The following BROX variants were observed in gnomAD, a reference collection of about 807,000 sequenced individuals.
BROX encodes the protein BRO1 domain and CAAX motif containing.
Under a neutral mutation model 61.0 loss-of-function variants are expected in BROX, and 53 were observed. The ratio of observed to expected loss-of-function variants is 0.87; its 90% CI spans 0.70 to 1.09. The LOEUF is 1.09. Ranked by LOEUF, BROX falls within the 50% of genes least tolerant of loss-of-function variation. BROX has a pLI of 0.00. For synonymous variants in BROX, 152 were observed against 160.2 expected (o/e 0.95, Z 0.38); for missense variants, 489 against 472.0 (o/e 1.04, Z -0.33).
intron 11 of BROX, 145 bp downstream of exon 11, chr1:222,730,322 G>A (rs149529374): frequency 2.8e-5 from 14 of 504,196 alleles, no homozygotes; most frequent in East Asian, 1.8e-4. Context: ...TGGGCTAGGC[G>A]TGGTGGCTCA....
In BROX at chr1:222,718,733, T is replaced by C. The variant is rs1039378617; in HGVS notation, c.102-192T>C. On this transcript the variant is annotated intron_variant, in intron 2 of 12. Transcript: ENST00000340934. ...TTCTCTAGATTTAGTCCTGATTAAATTCATTTGTTAATCCCTTAGAGGAGG... is the reference window on the plus strand; with the variant it reads ...TTCTCTAGATTTAGTCCTGATTAAACTCATTTGTTAATCCCTTAGAGGAGG... 2.0e-5 allele frequency among the ~76,000 whole-genome samples: 3 copies of C among 152,220 alleles called. 1 individual carries two copies. Among genetic ancestry groups the C allele is most frequent in the Non-Finnish European group, 4.4e-5 (3 of 68,016 alleles).
intron 11 of BROX, among the ~76,000 whole-genome samples, chr1:222,730,600 A>G (rs1204718459): frequency 6.6e-6 from 1 of 152,196 alleles, no homozygotes; most frequent in Admixed American, 6.5e-5. Context: ...TCTCAAATAT[A>G]TATAGTATTT....
intron 7 of BROX, 93 bp from the exon 8 acceptor site, chr1:222,727,071 CAGAG>C: frequency 1.2e-6 from 1 of 858,810 alleles, no homozygotes; most frequent in Non-Finnish European, 1.9e-6. Context: ...ATTAAAATCC[CAGAG>C]AGATTATCAG....
intron 8 of BROX, among the ~76,000 whole-genome samples, chr1:222,728,011 A>G (rs1443324667): frequency 6.6e-6 from 1 of 152,176 alleles, no homozygotes; most frequent in Non-Finnish European, 1.5e-5. Context: ...GAGTGGTAGG[A>G]GAAGAGTTTG....
chr1:222,719,246 C>T lies in BROX; in HGVS notation c.209-17C>T. 3.9e-6 allele frequency: 6 copies of T among 1,524,100 alleles called. No homozygotes were observed. The highest frequency in any genetic ancestry group is 5.4e-6 in the Non-Finnish European group (6 of 1,101,900). 94.4% of individuals were successfully genotyped at this position (1,524,100 alleles called of 1,614,324 possible). On this transcript the variant is annotated splice_polypyrimidine_tract_variant and intron_variant, in intron 3 of 12. Coordinates refer to ENST00000340934, the MANE Select transcript of BROX (RefSeq NM_144695.4). ...TCTAATTCTTCTAAAACTAAAATGT[C>T]TTGTACTTTTCTATAGGTTTCATAA...
intron 4 of BROX, among the ~76,000 whole-genome samples, chr1:222,720,210 T>G (rs1399653123): frequency 6.6e-6 from 1 of 152,070 alleles, no homozygotes; most frequent in Non-Finnish European, 1.5e-5. Context: ...ATAAGAAAAT[T>G]TTTGTGAAGT....
intron 8 of BROX, 59 bp downstream of exon 8, chr1:222,727,316 C>A: frequency 1.6e-6 from 2 of 1,263,278 alleles, no homozygotes; most frequent in South Asian, 1.2e-5. Context: ...TTTATTTGAT[C>A]TTGAATAGGG....
At chr1:222,728,373 T>G (rs1249357561) in intron 8 of BROX, among the ~76,000 whole-genome samples, 11 of 152,188 alleles carry the variant, frequency 7.2e-5, no homozygotes, top group Non-Finnish European at 4.4e-5. Context: ...GAGTATCCTA[T>G]TTCTGATTTG....
rs1657173630 is a variant in BROX, at chr1:222,722,504, GGAAAA to G, written c.398_401+1del. 2 of 1,607,970 alleles carry G rather than the reference GGAAAA, an allele frequency of 1.2e-6. No individual in the cohort carries two copies. The highest frequency in any genetic ancestry group is 1.7e-6 in the Non-Finnish European group (2 of 1,174,722). ...TACCAAATATGCTTCAAGACTGGCT[GGAAAA>G]GAAAAGTAAGTTAATAGGAGAGGAT... On this transcript the variant is annotated frameshift_variant, in exon 5 of 13. Transcript: ENST00000340934. LOFTEE classifies it high-confidence loss of function.
At chr1:222,720,538 A>G (rs61824333) in intron 4 of BROX, among the ~76,000 whole-genome samples, 137,704 of 152,214 alleles carry the variant, frequency 0.9, 62,435 homozygotes, top group East Asian at 1. Context: ...AAAGCCGGGC[A>G]CAGTGGCTCA....
rs569689181 is a variant in BROX at position 222,718,936 on chromosome 1, C to T, written c.113C>T (p.Ser38Leu). Residue 38 changes from serine (S) to leucine (L), a missense_variant, in exon 3 of 13, where the codon TCA becomes TTA. By Grantham distance (145) the Ser-to-Leu change is moderately radical (BLOSUM62 -2). Transcript: ENST00000340934. ...SASKICNDLR[S>L]SRARLLELFT... ...GTATCTCTTATAAGTGACTTGAGGTCATCCAGGGCACGACTCCTTGAACTG... is the reference window on the plus strand; with the variant it reads ...GTATCTCTTATAAGTGACTTGAGGTTATCCAGGGCACGACTCCTTGAACTG... The T allele has an allele frequency of 4.3e-6, 7 of 1,613,466 alleles. No individual in the cohort carries two copies. The South Asian group carries it at 5.5e-5, about 13-fold the overall frequency.
chr1:222,732,114 A>G (rs1235469066), intron 12 of BROX, among the ~76,000 whole-genome samples: 1 of 152,192 alleles, frequency 6.6e-6, no homozygotes, highest in Non-Finnish European at 1.5e-5. Flanking sequence ...TTTATTCCTT[A>G]AAATAACTAT....
intron 3 of BROX, 30 bp downstream of exon 3, chr1:222,719,061 T>C (rs1656862239): frequency 1.3e-6 from 2 of 1,554,472 alleles, no homozygotes; most frequent in African/African-American, 2.8e-5. Flanking sequence ...TTGAGGTTTT[T>C]TAAAAAACTG....
chr1:222,724,233 G>A lies in BROX; in HGVS notation c.474+69G>A, dbSNP rs553523301. 4.3e-3 allele frequency: 5,311 copies of A among 1,247,106 alleles called. 47 individuals are homozygous for A. The highest frequency in any genetic ancestry group is 0.026 in the South Asian group (1,941 of 74,050). The allele number at this position is 1,247,106 out of a possible 1,614,324, so 77.3% of individuals were successfully genotyped here. A position where few individuals can be genotyped will look rare whatever the true frequency, so the allele number is the denominator to read the frequency against. The stretch of plus-strand genomic sequence containing the variant: ...AATTCTTGAATAATTTTTCTTTTGG[G>A]AGGATATGGGGAAAGAATTGTTTCA... On this transcript the variant is annotated intron_variant, in intron 6 of 12. Transcript: ENST00000340934.
chr1:222,730,442 A>T (rs938014276), intron 11 of BROX, among the ~76,000 whole-genome samples: 2 of 152,058 alleles, frequency 1.3e-5, no homozygotes, highest in African/African-American at 4.8e-5. Flanking sequence ...CAGAAAATAC[A>T]AATAAATTAG....
In BROX at chr1:222,718,973, G is replaced by T; in HGVS notation, c.150G>T (p.Leu50Phe). The change falls in exon 3 of 13, where the codon TTG becomes TTT. Residue 50 changes from leucine (L) to phenylalanine (F), a missense_variant. Coordinates refer to ENST00000340934, the MANE Select transcript of BROX (RefSeq NM_144695.4). ...GACTCCTTGAACTGTTCACTGATTT[G>T]AGCTGTAATCCAGAAATGATGAAGA... ...RARLLELFTDLSCNPEMMKNA... is the reference protein window; with the variant it reads ...RARLLELFTDFSCNPEMMKNA... 6.2e-7 allele frequency: 1 copy of T among 1,613,868 alleles called. No individual in the cohort carries two copies. Among genetic ancestry groups the T allele is most frequent in the Non-Finnish European group, 8.5e-7 (1 of 1,179,890 alleles).
chr1:222,719,159 T>C, intron 3 of BROX, 104 bp from the exon 4 acceptor site: 2 of 1,254,448 alleles, frequency 1.6e-6, no homozygotes, highest in Non-Finnish European at 2.3e-6. Flanking sequence ...AGCAAGAAGT[T>C]TCATTCAGAC....
At position 222,717,256 on chromosome 1, in the gene BROX, C is replaced by T. The variant is rs188000982; in HGVS notation, c.101+1456C>T. ...AATAAGCTGCGGGGTATACAAAAACCGGTTATAGTTTGTAGTTTGTCAAGC... is the reference window on the plus strand; with the variant it reads ...AATAAGCTGCGGGGTATACAAAAACTGGTTATAGTTTGTAGTTTGTCAAGC... On this transcript the variant is annotated intron_variant, in intron 2 of 12. Transcript: ENST00000340934. Among the ~76,000 whole-genome samples the T allele has an allele frequency of 6.4e-3, 979 of 152,192 alleles. 11 individuals are homozygous for T. The highest frequency in any genetic ancestry group is 6.8e-3 in the Middle Eastern group (2 of 294).
chr1:222,719,085 A>G (rs1219657501), intron 3 of BROX, 54 bp downstream of exon 3: 9 of 1,475,556 alleles, frequency 6.1e-6, no homozygotes, highest in Non-Finnish European at 8.4e-6. Context: ...AAAAGTTTAC[A>G]TTTAATTCTT....
Sources: gnomAD v4.1 joint callset for allele counts (sites outside exome capture counted in the v4.1 genomes callset) on GRCh38, gnomAD v4.1.1 for gene constraint, MANE v1.5 for transcripts, NCBI Gene and HGNC (gene_info 2026-07-23, HGNC 2026-07-21) for gene names.